FBXL13: variants seen among roughly 807,000 people sequenced by gnomAD.
The protein encoded by FBXL13 is F-box and leucine rich repeat protein 13, also known as F-box and leucine-rich repeat protein 13.
In FBXL13, 67 loss-of-function variants were observed where a neutral mutation model predicts 83.6. That is an observed-to-expected ratio of 0.80 (90% CI 0.66 to 0.98). The LOEUF (loss-of-function observed/expected upper bound fraction) is 0.98. Among genes scored for constraint, FBXL13 ranks in the 50% least tolerant of loss-of-function variants. The probability of loss-of-function intolerance (pLI) is 0.00; values close to 1 mark genes in which losing one functional copy is unlikely to be tolerated. For missense variants in FBXL13, 822 were observed against 866.5 expected, an observed-to-expected ratio of 0.95 and a Z score of 0.64; for synonymous variants, 272 against 299.5, an observed-to-expected ratio of 0.91 and a Z score of 0.95.
intron 16 of FBXL13, among the ~76,000 whole-genome samples, chr7:102,865,546 T>C (rs1807507977): frequency 6.6e-6 from 1 of 152,074 alleles, no homozygotes; most frequent in Non-Finnish European, 1.5e-5. Flanking sequence ...TGATTGTTTG[T>C]TTTTGTTTTT....
intron 8 of FBXL13, among the ~76,000 whole-genome samples, chr7:102,949,447 C>A (rs1377343716): frequency 6.6e-6 from 1 of 152,086 alleles, no homozygotes; most frequent in African/African-American, 2.4e-5. Flanking sequence ...CTGGTAAGCC[C>A]TAGTGTCCAT....
chr7:102,945,905 A>G (rs1045555883), intron 8 of FBXL13, among the ~76,000 whole-genome samples: 10 of 152,108 alleles, frequency 6.6e-5, no homozygotes, highest in Non-Finnish European at 1.2e-4. Flanking sequence ...TTCTGAGATA[A>G]GAGTCTTGCT....
intron 14 of FBXL13, among the ~76,000 whole-genome samples, chr7:102,880,776 G>A (rs1222128362): frequency 6.6e-6 from 1 of 152,044 alleles, no homozygotes; most frequent in Non-Finnish European, 1.5e-5. Context: ...CTTCTTCCAG[G>A]AGCTCAGGAA....
intron 11 of FBXL13, among the ~76,000 whole-genome samples, chr7:102,884,814 C>A (rs372864260): frequency 3.3e-5 from 5 of 152,232 alleles, no homozygotes; most frequent in South Asian, 4.1e-4. Context: ...TCCTCCTGGC[C>A]CCTGGCATCA....
At chr7:102,900,530 T>C (rs1812833932) in intron 11 of FBXL13, among the ~76,000 whole-genome samples, 2 of 152,214 alleles carry the variant, frequency 1.3e-5, no homozygotes, top group South Asian at 4.1e-4. Flanking sequence ...TAAACATCTA[T>C]GAATTGTCAA....
chr7:103,016,374 C>T (rs1255344525), intron 6 of FBXL13, among the ~76,000 whole-genome samples: 1 of 151,938 alleles, frequency 6.6e-6, no homozygotes, highest in Non-Finnish European at 1.5e-5. Flanking sequence ...CTATCTATAG[C>T]TCCCAGGGTG....
chr7:102,911,723 A>C (rs1284164735), intron 11 of FBXL13, among the ~76,000 whole-genome samples: 4 of 152,232 alleles, frequency 2.6e-5, no homozygotes, highest in African/African-American at 9.7e-5. Flanking sequence ...TCTAAGAAAC[A>C]AGAAAACAAG....
intron 16 of FBXL13, among the ~76,000 whole-genome samples, chr7:102,874,560 T>G (rs1329323342): frequency 6.6e-6 from 1 of 152,140 alleles, no homozygotes; most frequent in Non-Finnish European, 1.5e-5. Flanking sequence ...AAGTTTTTTG[T>G]TTTTTGTTTT....
Position 102,929,663 on chromosome 7 carries a change from CAA to C in FBXL13, c.777+2216_777+2217del, listed in dbSNP as rs35025022. Among the ~76,000 whole-genome samples, 736 of 91,464 alleles carry C rather than the reference CAA, an allele frequency of 8.0e-3. 7 individuals are homozygous for C. The highest frequency in any genetic ancestry group is 0.033 in the African/African-American group (695 of 21,104). The allele number at this position is 91,464 out of a possible 152,430, so 60.0% of individuals were successfully genotyped here. On this transcript the variant is annotated intron_variant, in intron 9 of 19. Coordinates refer to ENST00000313221, the Ensembl canonical transcript of FBXL13. ...TGGGCAACAGAGTGAGACTCCATCT[CAA>C]AAAAAAAAAAAAAAAAAAATTAATT...
chr7:102,985,408 A>T (rs6465887), intron 6 of FBXL13, among the ~76,000 whole-genome samples: 28,720 of 152,104 alleles, frequency 0.19, 2,989 homozygotes, highest in African/African-American at 0.27. Flanking sequence ...CCACACAATA[A>T]AAGATATTGT....
intron 17 of FBXL13, among the ~76,000 whole-genome samples, chr7:102,834,145 G>GAATAC (rs1801409315): frequency 1.1e-5 from 1 of 94,794 alleles, no homozygotes; most frequent in Non-Finnish European, 2.1e-5. Flanking sequence ...AAAGAAAAGA[G>GAATAC]AAGACAAGAG....
chr7:102,885,808 T>C (rs1810720425), intron 11 of FBXL13, among the ~76,000 whole-genome samples: 1 of 152,194 alleles, frequency 6.6e-6, no homozygotes. Context: ...TAGTGTGAGG[T>C]AGGGGTCCAA....
chr7:102,938,210 T>C (rs1820702993), intron 8 of FBXL13, among the ~76,000 whole-genome samples: 1 of 152,230 alleles, frequency 6.6e-6, no homozygotes, highest in Non-Finnish European at 1.5e-5. Context: ...TAGCTTCACA[T>C]TGACCAGAAT....
At chr7:102,946,649 AT>A (rs981622162) in intron 8 of FBXL13, among the ~76,000 whole-genome samples, 1 of 125,770 alleles carries the variant, frequency 8.0e-6, no homozygotes, top group Admixed American at 9.0e-5. Context: ...TTCTATTTTT[AT>A]TTTATTTATT....
intron 8 of FBXL13, among the ~76,000 whole-genome samples, chr7:102,947,042 C>A (rs975500984): frequency 1.3e-5 from 2 of 152,198 alleles, no homozygotes; most frequent in African/African-American, 4.8e-5. Context: ...AGAGACGTTA[C>A]TTCTCCATGC....
At chr7:102,967,270 C>CTT (rs56060851) in intron 7 of FBXL13, among the ~76,000 whole-genome samples, 3,818 of 148,770 alleles carry the variant, frequency 0.026, 185 homozygotes, top group East Asian at 0.15. Context: ...TCCTCTCTTT[C>CTT]TTTTTTTTTT....
At chr7:103,029,268 G>T in intron 3 of FBXL13, 83 bp downstream of exon 4, 1 of 786,820 alleles carries the variant, frequency 1.3e-6, no homozygotes, top group Non-Finnish European at 2.0e-6. Flanking sequence ...AGCACAACTG[G>T]CCAAAAGTGA....
chr7:103,030,478 A>G (rs1478246856), intron 2 of FBXL13, among the ~76,000 whole-genome samples: 1 of 152,200 alleles, frequency 6.6e-6, no homozygotes, highest in Non-Finnish European at 1.5e-5. Flanking sequence ...AGCAGGCAGA[A>G]TAAAAACCAA....
At chr7:103,064,262 G>A (rs913161700) in intron 1 of FBXL13, among the ~76,000 whole-genome samples, 10 of 152,222 alleles carry the variant, frequency 6.6e-5, no homozygotes, top group Admixed American at 1.3e-4. Flanking sequence ...ATTATGGCCA[G>A]GGAAACTGAA....
Sources: allele counts gnomAD v4.1 joint callset (sites outside exome capture counted in the v4.1 genomes callset), GRCh38; gene constraint gnomAD v4.1.1; transcripts MANE v1.5; gene names NCBI Gene and HGNC (gene_info 2026-07-23, HGNC 2026-07-21).